The following GEMIN5 variants were observed in gnomAD, a reference collection of about 807,000 sequenced individuals.
The protein encoded by GEMIN5 is gem nuclear organelle associated protein 5.
Under a neutral mutation model 176.9 loss-of-function variants are expected in GEMIN5, and 124 were observed. The observed-to-expected ratio is 0.70, with a 90% confidence interval of 0.61 to 0.81. The LOEUF (loss-of-function observed/expected upper bound fraction) is 0.81, where lower values mean the gene tolerates loss of function less well. Among genes scored for constraint, GEMIN5 ranks in the 40% least tolerant of loss-of-function variants. The pLI is 0.00. For synonymous variants in GEMIN5, 673 were observed against 665.2 expected, an observed-to-expected ratio of 1.01 and a Z score of -0.18; for missense variants, 1,843 against 1,814.6, an observed-to-expected ratio of 1.02 and a Z score of -0.28.
chr5:154,901,854 C>T (rs970695278), intron 20 of GEMIN5, among the ~76,000 whole-genome samples: 4 of 151,874 alleles, frequency 2.6e-5, no homozygotes, highest in Admixed American at 6.6e-5. Flanking sequence ...GGCTGGAGCG[C>T]AGTAGCACAA....
chr5:154,889,249 A>G (rs1297858496), intron 27 of GEMIN5, 72 bp downstream of exon 27: 7 of 781,806 alleles, frequency 9.0e-6, no homozygotes, highest in South Asian at 2.9e-5. Context: ...GCTGACCTTT[A>G]TAAGAATGTG....
chr5:154,930,809 A>G (rs1287087665), intron 5 of GEMIN5, among the ~76,000 whole-genome samples: 2 of 152,182 alleles, frequency 1.3e-5, no homozygotes, highest in Non-Finnish European at 2.9e-5. Flanking sequence ...CAAATGTTAT[A>G]TTTTCCACCA....
At chr5:154,936,474 A>G (rs376287762) in intron 2 of GEMIN5, among the ~76,000 whole-genome samples, 8 of 152,338 alleles carry the variant, frequency 5.3e-5, no homozygotes, top group African/African-American at 1.9e-4. Flanking sequence ...GCAACACGAT[A>G]TTAACAAAAT....
In GEMIN5 at chr5:154,891,344, GTCGGA is replaced by G; in HGVS notation, c.4154_4158del (p.Ile1385ThrfsTer9). On this transcript the variant is annotated frameshift_variant, in exon 26 of 28. Transcript: ENST00000285873. LOFTEE classifies it high-confidence loss of function. ...TTACAGAGTTGACTCTTTTGGTGTT[GTCGGA>G]TCATTTCTGCCAAGGTCTCTTGGAC... The G allele has an allele frequency of 6.2e-7, 1 of 1,614,074 alleles. No homozygotes were observed. Among genetic ancestry groups the G allele is most frequent in the Non-Finnish European group, 8.5e-7 (1 of 1,179,962 alleles).
In GEMIN5 at chr5:154,921,824, G is replaced by C. The variant is rs150980009; in HGVS notation, c.1380-399C>G. ...ATTAACATCACATTTCCTAAATTGA[G>C]ACAAGATTTCAGGGTAGAGAGATTT... On this transcript the variant is annotated intron_variant, in intron 9 of 27. Transcript: ENST00000285873. Among the ~76,000 whole-genome samples, 794 of 152,274 alleles carry C rather than the reference G, an allele frequency of 5.2e-3. 5 individuals are homozygous for C. The highest frequency in any genetic ancestry group is 9.1e-3 in the Non-Finnish European group (616 of 68,022).
intron 3 of GEMIN5, among the ~76,000 whole-genome samples, chr5:154,932,709 G>C (rs932127741): frequency 6.6e-6 from 1 of 152,112 alleles, no homozygotes; most frequent in Non-Finnish European, 1.5e-5. Context: ...GGGACTAAAG[G>C]TACATGCCAT....
At chr5:154,917,364 A>G (rs1192792042) in intron 12 of GEMIN5, among the ~76,000 whole-genome samples, 185 bp from the exon 13 acceptor site, 1 of 152,218 alleles carries the variant, frequency 6.6e-6, no homozygotes, top group Non-Finnish European at 1.5e-5. Context: ...TCCAAAAAGT[A>G]TATTTAGCTT....
rs773614126 is a variant in GEMIN5 at position 154,937,984 on chromosome 5, C to T, written c.150G>A (p.Gly50=). 2.5e-6 allele frequency: 4 copies of T among 1,574,430 alleles called. No homozygotes were observed. The highest frequency in any genetic ancestry group is 3.4e-6 in the Non-Finnish European group (4 of 1,162,694). Residue 50 remains glycine (G), a synonymous_variant, in exon 1 of 28, where the codon GGG becomes GGA. Coordinates refer to ENST00000285873, the MANE Select transcript of GEMIN5 (RefSeq NM_015465.5). ...GTGAGTTACCTCGAAACGGGGGTGT[C>T]CCTGGACTCTCGCCTGCGCCCGGGC... ...RVGPGAGESP[G]TPPFRVIGEL... is the part of the protein sequence containing the mutation.
chr5:154,888,855 T>TTTTGG (rs1554100468), intron 27 of GEMIN5, among the ~76,000 whole-genome samples: 1 of 148,756 alleles, frequency 6.7e-6, no homozygotes, highest in Admixed American at 6.7e-5. Context: ...AAATTCTTTT[T>TTTTGG]TTTTGTTTTG....
chr5:154,906,678 T>C (rs1763575088), intron 16 of GEMIN5, among the ~76,000 whole-genome samples: 1 of 152,226 alleles, frequency 6.6e-6, no homozygotes. Context: ...ACTAGAGGTA[T>C]GTGTCTCTGT....
Position 154,920,067 on chromosome 5 carries a change from C to T in GEMIN5, c.1499G>A (p.Ser500Asn). The T allele has an allele frequency of 6.2e-7, 1 of 1,613,166 alleles. No homozygotes were observed. The highest frequency in any genetic ancestry group is 8.5e-7 in the Non-Finnish European group (1 of 1,179,254). ...EGDRPSLALY[S>N]CGGEGIVLQH... ...TAAGACAATCCCTTCTCCTCCACAG[C>T]TGTATAAAGCAAGGGAAGGTCTGTC... The change falls in exon 11 of 28, where the codon AGC becomes AAC. Residue 500 changes from serine to asparagine, a missense_variant. Ser to Asn is a conservative substitution (Grantham distance 46). Coordinates refer to ENST00000285873, the MANE Select transcript of GEMIN5 (RefSeq NM_015465.5).
intron 3 of GEMIN5, among the ~76,000 whole-genome samples, chr5:154,934,545 C>G (rs1481867664): frequency 6.6e-6 from 1 of 152,108 alleles, no homozygotes; most frequent in Non-Finnish European, 1.5e-5. Flanking sequence ...CTCCTGACCT[C>G]AGGTGATCCA....
chr5:154,915,023 T>C (rs543439026), intron 13 of GEMIN5, among the ~76,000 whole-genome samples: 1 of 152,324 alleles, frequency 6.6e-6, no homozygotes, highest in East Asian at 1.9e-4. Flanking sequence ...ATTCTGGCAG[T>C]TTTCTTCCTT....
At chr5:154,898,338 A>G in intron 23 of GEMIN5, 102 bp downstream of exon 23, 1 of 1,041,240 alleles carries the variant, frequency 9.6e-7, no homozygotes, top group South Asian at 1.4e-5. Context: ...GGCCTGCCAA[A>G]TTGGCACAGC....
chr5:154,890,163 G>T (rs977478141), intron 26 of GEMIN5, among the ~76,000 whole-genome samples: 1 of 152,194 alleles, frequency 6.6e-6, no homozygotes, highest in Non-Finnish European at 1.5e-5. Context: ...TAATGGCTAT[G>T]AAGTGCTGCT....
intron 3 of GEMIN5, 73 bp downstream of exon 3, chr5:154,935,768 G>T: frequency 9.6e-7 from 1 of 1,045,114 alleles, no homozygotes; most frequent in South Asian, 1.5e-5. Context: ...TAAAAGGACA[G>T]AGAAGGTAAA....
Position 154,905,351 on chromosome 5 carries a change from C to T in GEMIN5, c.2509+12G>A, listed in dbSNP as rs1302258370. On this transcript the variant is annotated intron_variant, in intron 17 of 27. Transcript: ENST00000285873. ...TTAACAAAATACTGTATTTTAATTA[C>T]TAGATACCAACCTGGCTTCTCTTTT... The T allele has an allele frequency of 7.6e-7, 1 of 1,309,844 alleles. No individual in the cohort carries two copies. Among genetic ancestry groups the T allele is most frequent in the South Asian group, 1.2e-5 (1 of 80,242 alleles). 81.1% of individuals were successfully genotyped at this position (1,309,844 alleles called of 1,614,324 possible). A position where few individuals can be genotyped will look rare whatever the true frequency, so the allele number is the denominator to read the frequency against.
chr5:154,904,667 C>G (rs1405677058), intron 17 of GEMIN5, 38 bp from the exon 18 acceptor site: 2 of 1,550,764 alleles, frequency 1.3e-6, no homozygotes, highest in Non-Finnish European at 1.8e-6. Context: ...TGAAGGAGAA[C>G]TGATCAGAAA....
intron 23 of GEMIN5, 30 bp from the exon 24 acceptor site, chr5:154,896,373 G>GTT (rs1267415538): frequency 1.3e-6 from 2 of 1,532,008 alleles, no homozygotes; most frequent in Admixed American, 4.3e-5. Context: ...AAGAGGAACT[G>GTT]TTATACAGGG....
Sources: allele counts gnomAD v4.1 joint callset (sites outside exome capture counted in the v4.1 genomes callset), GRCh38; gene constraint gnomAD v4.1.1; transcripts MANE v1.5; gene names NCBI Gene and HGNC (gene_info 2026-07-23, HGNC 2026-07-21).